Variants in ASIC2 observed in about 807,000 individuals in gnomAD.
The protein encoded by ASIC2 is acid sensing ion channel subunit 2, also known as acid-sensing ion channel 2.
A neutral mutation model predicts 57.3 loss-of-function variants in ASIC2; 25 were observed. The observed-to-expected ratio is 0.44, with a 90% CI of 0.32 to 0.61. ASIC2 has a LOEUF of 0.61. ASIC2 is among the 20% of genes least tolerant of loss of function. ASIC2 has a pLI of 0.06. For synonymous variants in ASIC2, 319 were observed against 307.5 expected (o/e 1.04, Z -0.39); for missense variants, 641 against 738.1 (o/e 0.87, Z 1.52).
chr17:33,549,261 C>G (rs1334507896), intron 1 of ASIC2, among the ~76,000 whole-genome samples: 1 of 152,188 alleles, frequency 6.6e-6, no homozygotes, highest in East Asian at 1.9e-4. Flanking sequence ...TGCAGAGAAC[C>G]AAAAGAGACA....
chr17:33,816,672 A>C (rs1187572730), intron 1 of ASIC2: 1 of 152,144 alleles, frequency 6.6e-6, no homozygotes, highest in African/African-American at 2.4e-5. Context: ...ATTGTAAGGG[A>C]GGGTAGTCCT....
At position 34,084,072 on chromosome 17, in the gene ASIC2, G is replaced by T. The variant is rs896240665; in HGVS notation, c.555+71906C>A. Among the ~76,000 whole-genome samples, 8 of 151,890 alleles carry T rather than the reference G, an allele frequency of 5.3e-5. No homozygotes were observed. In the East Asian group the frequency reaches 1.5e-3, roughly 29 times the overall value. On this transcript the variant is annotated intron_variant, in intron 1 of 9. Transcript: ENST00000359872. ...TTGGCTTTTGTTGCCATTGCTTTTG[G>T]TGTTTTAGACATGAAGTCCTTGCCC...
intron 1 of ASIC2, among the ~76,000 whole-genome samples, chr17:33,931,853 A>G (rs535322603): frequency 1.6e-3 from 246 of 152,330 alleles, no homozygotes; most frequent in Non-Finnish European, 3.1e-3. Flanking sequence ...TGCATGGGGA[A>G]TGAGCGCTGT....
At chr17:33,832,640 C>T (rs558322214) in intron 1 of ASIC2, among the ~76,000 whole-genome samples, 51 of 152,296 alleles carry the variant, frequency 3.3e-4, no homozygotes, top group African/African-American at 6.7e-4. Flanking sequence ...CAGACTTTAC[C>T]GCTGTCACCT....
intron 1 of ASIC2, among the ~76,000 whole-genome samples, chr17:33,858,520 C>T (rs1431374186): frequency 6.6e-6 from 1 of 152,220 alleles, no homozygotes; most frequent in Non-Finnish European, 1.5e-5. Flanking sequence ...GGAGCAGCTT[C>T]ACAGCTGATT....
At chr17:33,798,669 G>A (rs950837408) in intron 1 of ASIC2, among the ~76,000 whole-genome samples, 1 of 152,180 alleles carries the variant, frequency 6.6e-6, no homozygotes, top group Non-Finnish European at 1.5e-5. Flanking sequence ...TGCAGGCTGT[G>A]CTTAAATAAA....
chr17:33,858,086 C>A (rs959799096), intron 1 of ASIC2, among the ~76,000 whole-genome samples: 1 of 152,210 alleles, frequency 6.6e-6, no homozygotes, highest in African/African-American at 2.4e-5. Context: ...AGAATTCTCA[C>A]AGGCAGGTGG....
At chr17:33,037,058 G>A (rs2091911406) in intron 3 of ASIC2, among the ~76,000 whole-genome samples, 1 of 143,000 alleles carries the variant, frequency 7.0e-6, no homozygotes, top group Non-Finnish European at 1.5e-5. Context: ...CCTGTGACAT[G>A]TTTATCTATG....
chr17:33,523,662 T>C (rs1385039377), intron 1 of ASIC2, among the ~76,000 whole-genome samples: 1 of 152,310 alleles, frequency 6.6e-6, no homozygotes, highest in East Asian at 1.9e-4. Flanking sequence ...CCCCTTCCCA[T>C]GTGAACACTG....
intron 1 of ASIC2, among the ~76,000 whole-genome samples, chr17:34,144,056 T>G (rs1912348421): frequency 6.6e-6 from 1 of 152,208 alleles, no homozygotes; most frequent in African/African-American, 2.4e-5. Flanking sequence ...GATACCTCAT[T>G]CATATCCTGC....
At chr17:33,932,741 A>AAATATATAT (rs1555572867) in intron 1 of ASIC2, 7 of 58,706 alleles carry the variant, frequency 1.2e-4, no homozygotes, top group African/African-American at 4.7e-4. Flanking sequence ...AAAAAAAAAA[A>AAATATATAT]ATATATATAT....
Position 33,089,100 on chromosome 17 carries a change from A to G in ASIC2, c.860-110T>C, listed in dbSNP as rs955585774. ...CTGAAAAGACCCTGTGATAAGCAGA[A>G]TAATGGCCCCCAAAGGTGTCCACAT... On this transcript the variant is annotated intron_variant, in intron 2 of 9. Coordinates refer to ENST00000225823, the MANE Select transcript of ASIC2 (RefSeq NM_183377.2). 2.8e-6 allele frequency: 4 copies of G among 1,443,574 alleles called. No individual in the cohort carries two copies. In the African/African-American group the frequency reaches 5.7e-5, roughly 21 times the overall value. 89.4% of individuals were successfully genotyped at this position (1,443,574 alleles called of 1,614,324 possible).
chr17:34,133,092 T>G (rs1311881547), intron 1 of ASIC2, among the ~76,000 whole-genome samples: 3 of 152,186 alleles, frequency 2.0e-5, no homozygotes, highest in Admixed American at 2.0e-4. Context: ...TTAGCCAGAC[T>G]CAGTGTTGGG....
chr17:33,639,561 C>G (rs1170321107), intron 1 of ASIC2, among the ~76,000 whole-genome samples: 1 of 152,038 alleles, frequency 6.6e-6, no homozygotes, highest in Admixed American at 6.5e-5. Context: ...GGAACTGCCC[C>G]GAGGAGCTGC....
intron 3 of ASIC2, among the ~76,000 whole-genome samples, chr17:33,076,392 C>A (rs560170359): frequency 6.6e-6 from 1 of 152,194 alleles, no homozygotes; most frequent in Non-Finnish European, 1.5e-5. Flanking sequence ...TATTAGGAGT[C>A]GGGTCCAAAC....
At chr17:33,902,766 AC>A (rs1444707445) in intron 1 of ASIC2, among the ~76,000 whole-genome samples, 1 of 152,136 alleles carries the variant, frequency 6.6e-6, no homozygotes, top group Non-Finnish European at 1.5e-5. Flanking sequence ...TTAGGGTGGA[AC>A]CCCTAATTCT....
chr17:34,074,782 C>CTTTTTTTTTTT (rs35010578), intron 1 of ASIC2, among the ~76,000 whole-genome samples: 8 of 113,940 alleles, frequency 7.0e-5, no homozygotes, highest in Admixed American at 9.2e-5. Flanking sequence ...TTCTTTCTTT[C>CTTTTTTTTTTT]TTTTTTTTTT....
chr17:33,327,576 T>C (rs1907126954), intron 1 of ASIC2, among the ~76,000 whole-genome samples: 1 of 152,214 alleles, frequency 6.6e-6, no homozygotes, highest in South Asian at 2.1e-4. Flanking sequence ...ACCAATTCCC[T>C]ACCCTCAAGG....
At chr17:33,640,129 A>C (rs1473564284) in intron 1 of ASIC2, among the ~76,000 whole-genome samples, 1 of 151,852 alleles carries the variant, frequency 6.6e-6, no homozygotes, top group Non-Finnish European at 1.5e-5. Flanking sequence ...AAGGCTAAGG[A>C]GGTTGGAGGG....
Sources: gnomAD v4.1 joint callset for allele counts (sites outside exome capture counted in the v4.1 genomes callset) on GRCh38, gnomAD v4.1.1 for gene constraint, MANE v1.5 for transcripts, NCBI Gene and HGNC (gene_info 2026-07-23, HGNC 2026-07-21) for gene names.